DYNC1I1: variants seen among roughly 807,000 people sequenced by gnomAD.
DYNC1I1 encodes the protein cytoplasmic dynein 1 intermediate chain 1.
A neutral mutation model predicts 86.6 loss-of-function variants in DYNC1I1; 43 were observed. The ratio of observed to expected loss-of-function variants is 0.50; its 90% CI spans 0.39 to 0.64. The LOEUF (loss-of-function observed/expected upper bound fraction) is 0.64, where lower values mean the gene tolerates loss of function less well. DYNC1I1 is among the 30% of genes least tolerant of loss of function. The pLI, the probability that DYNC1I1 is intolerant of heterozygous loss-of-function variation, is 0.00. For synonymous variants in DYNC1I1, 262 were observed against 283.7 expected, an observed-to-expected ratio of 0.92 and a Z score of 0.77; for missense variants, 604 against 788.8, an observed-to-expected ratio of 0.77 and a Z score of 2.81.
intron 6 of DYNC1I1, among the ~76,000 whole-genome samples, chr7:95,887,913 G>A (rs1790638186): frequency 6.6e-6 from 1 of 152,156 alleles, no homozygotes; most frequent in African/African-American, 2.4e-5. Flanking sequence ...TCATTAACAT[G>A]TTAAAGCTAC....
At chr7:96,081,965 A>G (rs1160377951) in intron 16 of DYNC1I1, among the ~76,000 whole-genome samples, 2 of 152,064 alleles carry the variant, frequency 1.3e-5, no homozygotes, top group East Asian at 3.9e-4. Context: ...TTCATTTAAC[A>G]TCCCCTTGAC....
intron 5 of DYNC1I1, among the ~76,000 whole-genome samples, chr7:95,831,951 AT>A (rs1400244709): frequency 6.6e-6 from 1 of 151,972 alleles, no homozygotes; most frequent in Non-Finnish European, 1.5e-5. Flanking sequence ...TTGCCTTATC[AT>A]TGTATTGGTT....
At chr7:95,912,717 G>C (rs190064975) in intron 6 of DYNC1I1, among the ~76,000 whole-genome samples, 1 of 152,266 alleles carries the variant, frequency 6.6e-6, no homozygotes, top group Non-Finnish European at 1.5e-5. Flanking sequence ...AAGGCAATCT[G>C]TTTGTGTCCA....
chr7:95,897,702 T>A (rs558129117), intron 6 of DYNC1I1, among the ~76,000 whole-genome samples: 1 of 151,748 alleles, frequency 6.6e-6, no homozygotes, highest in East Asian at 1.9e-4. Flanking sequence ...GTGCTCATTT[T>A]TTTAAATGTG....
Position 96,072,847 on chromosome 7 carries a change from T to C in DYNC1I1, c.1510-3210T>C, listed in dbSNP as rs546547424. ...GTTTACCAGTTCTAATACTTTATGA[T>C]ATACATGAGTTTACCTTAAAATATT... is the stretch of plus-strand genomic sequence containing the variant. On this transcript the variant is annotated intron_variant, in intron 14 of 16. Transcript: ENST00000447467. Among the ~76,000 whole-genome samples the C allele has an allele frequency of 1.4e-4, 22 of 152,350 alleles. No individual in the cohort carries two copies. The South Asian group carries it at 4.4e-3, about 30-fold the overall frequency.
rs572808053 is a variant in DYNC1I1, at chr7:95,970,904, T to G, written c.491-6608T>G. 2.8e-5 allele frequency among the ~76,000 whole-genome samples: 4 copies of G among 144,700 alleles called. No homozygotes were observed. The East Asian group carries it at 8.4e-4, about 30-fold the overall frequency. 94.9% of individuals were successfully genotyped at this position (144,700 alleles called of 152,430 possible). A position where few individuals can be genotyped will look rare whatever the true frequency, so the allele number is the denominator to read the frequency against. On this transcript the variant is annotated intron_variant, in intron 6 of 16. Coordinates refer to ENST00000447467, the MANE Select transcript of DYNC1I1 (RefSeq NM_001135556.2). ...TCTGTTTCAGAGGAAGAGTTAAAGC[T>G]GCTGGAGTTGCATCATAAAGGCTGT... is the stretch of plus-strand genomic sequence containing the variant.
intron 6 of DYNC1I1, among the ~76,000 whole-genome samples, chr7:95,929,357 T>G (rs989424270): frequency 1.3e-5 from 2 of 152,184 alleles, no homozygotes; most frequent in African/African-American, 4.8e-5. Flanking sequence ...GTAATACTTT[T>G]TATGTTTTAT....
chr7:95,958,337 T>C (rs1170354617), intron 6 of DYNC1I1, among the ~76,000 whole-genome samples: 3 of 152,192 alleles, frequency 2.0e-5, no homozygotes, highest in East Asian at 1.9e-4. Context: ...ACAAGTGTAC[T>C]CCTAGCGTTT....
intron 1 of DYNC1I1, among the ~76,000 whole-genome samples, chr7:95,803,473 G>A (rs993024150): frequency 2.0e-5 from 3 of 152,240 alleles, no homozygotes; most frequent in African/African-American, 4.8e-5. Flanking sequence ...ACAAATCTCC[G>A]CTGTCACACT....
At chr7:96,057,167 A>C (rs1789601132) in intron 14 of DYNC1I1, among the ~76,000 whole-genome samples, 1 of 152,160 alleles carries the variant, frequency 6.6e-6, no homozygotes, top group South Asian at 2.1e-4. Context: ...CCTTAATTTG[A>C]ACCCCTTAAA....
chr7:96,043,517 T>A (rs1398378273), intron 14 of DYNC1I1, among the ~76,000 whole-genome samples: 4 of 148,852 alleles, frequency 2.7e-5, no homozygotes, highest in African/African-American at 7.5e-5. Context: ...CAAGGGCAAA[T>A]TGGAAGTGGA....
intron 16 of DYNC1I1, among the ~76,000 whole-genome samples, chr7:96,084,319 G>GAAAA (rs5885940): frequency 0.047 from 6,621 of 141,890 alleles, 234 homozygotes; most frequent in Non-Finnish European, 0.064. Flanking sequence ...AGGCAAATCA[G>GAAAA]AAAAAAAAAA....
Position 95,772,624 on chromosome 7 carries a change from G to C in DYNC1I1, c.-159G>C, listed in dbSNP as rs1793731510. On this transcript the variant is annotated 5_prime_UTR_variant, in exon 1 of 17. Coordinates refer to ENST00000447467, the MANE Select transcript of DYNC1I1 (RefSeq NM_001135556.2). ...AGGAAGTGATCGCTCCCGGAGGAGC[G>C]CGAGCCGAGCGGCCGGCGCAGCGTG... is the stretch of plus-strand genomic sequence containing the variant. 6.6e-6 allele frequency: 1 copy of C among 152,170 alleles called. No individual in the cohort carries two copies. Among genetic ancestry groups the C allele is most frequent in the Admixed American group, 6.5e-5 (1 of 15,276 alleles). The allele number at this position is 152,170 out of a possible 1,614,324, so 9.4% of individuals were successfully genotyped here. A position where few individuals can be genotyped will look rare whatever the true frequency, so the allele number is the denominator to read the frequency against.
intron 1 of DYNC1I1, among the ~76,000 whole-genome samples, chr7:95,785,884 A>G (rs1403136344): frequency 6.7e-6 from 1 of 149,060 alleles, no homozygotes; most frequent in Non-Finnish European, 1.5e-5. Context: ...CTCACCCTGA[A>G]TGCATATCTT....
At chr7:95,838,804 T>C (rs1789190060) in intron 5 of DYNC1I1, among the ~76,000 whole-genome samples, 2 of 152,318 alleles carry the variant, frequency 1.3e-5, no homozygotes, top group Middle Eastern at 6.8e-3. Context: ...GGAAATGCTT[T>C]CTTGATTTCT....
chr7:95,978,370 A>G (rs898949671), intron 7 of DYNC1I1, among the ~76,000 whole-genome samples: 1 of 152,220 alleles, frequency 6.6e-6, no homozygotes, highest in Non-Finnish European at 1.5e-5. Flanking sequence ...AAAGAAAGAA[A>G]AAAGAAAAGA....
rs750268008 is a variant in DYNC1I1, at chr7:96,097,551, A to C, written c.1845A>C (p.Arg615Ser). ...CCCTTGTGGAAATTCGTGCTAACAG[A>C]GCTGATAGCGAGGAGGAAGGCACTG... is the stretch of plus-strand genomic sequence containing the variant. ...ARTLVEIRANRADSEEEGTVE... is the reference protein window; with the variant it reads ...ARTLVEIRANSADSEEEGTVE... The change falls in exon 17 of 17, where the codon AGA (arginine) becomes AGC (serine). Residue 615 changes from arginine (R) to serine (S), a missense_variant. Arg to Ser is a moderately radical substitution (Grantham distance 110). Transcript: ENST00000447467. 1 of 1,613,836 alleles carries C rather than the reference A, an allele frequency of 6.2e-7. No homozygotes were observed. The highest frequency in any genetic ancestry group is 8.5e-7 in the Non-Finnish European group (1 of 1,179,792).
chr7:95,946,640 G>C (rs1350267887), intron 6 of DYNC1I1, among the ~76,000 whole-genome samples: 1 of 152,160 alleles, frequency 6.6e-6, no homozygotes, highest in Non-Finnish European at 1.5e-5. Flanking sequence ...GTGGAACAGA[G>C]TCATAGTCCA....
At chr7:95,859,913 C>A (rs764640751) in intron 5 of DYNC1I1, among the ~76,000 whole-genome samples, 11 of 152,152 alleles carry the variant, frequency 7.2e-5, no homozygotes, top group Non-Finnish European at 1.3e-4. Flanking sequence ...GCTCCTTCTC[C>A]CCAGTTAATG....
Sources: gnomAD v4.1 joint callset for allele counts (sites outside exome capture counted in the v4.1 genomes callset) on GRCh38, gnomAD v4.1.1 for gene constraint, MANE v1.5 for transcripts, NCBI Gene and HGNC (gene_info 2026-07-23, HGNC 2026-07-21) for gene names.